TNFRSF19: variants seen among roughly 807,000 people sequenced by gnomAD.
TNFRSF19 encodes tumor necrosis factor receptor superfamily member 19.
In TNFRSF19, 27 loss-of-function variants were observed where a neutral mutation model predicts 46.4. The ratio of observed to expected loss-of-function variants is 0.58; its 90% CI spans 0.43 to 0.80. The LOEUF (loss-of-function observed/expected upper bound fraction) is 0.80, where lower values mean the gene tolerates loss of function less well. Ranked by LOEUF, TNFRSF19 falls within the 30% of genes least tolerant of loss-of-function variation. TNFRSF19 has a pLI of 0.00. For synonymous variants in TNFRSF19, 204 were observed against 205.0 expected, an observed-to-expected ratio of 1.00 and a Z score of 0.04; for missense variants, 511 against 530.8, an observed-to-expected ratio of 0.96 and a Z score of 0.37.
intron 5 of TNFRSF19, among the ~76,000 whole-genome samples, chr13:23,633,226 C>G (rs1166764399): frequency 6.6e-6 from 1 of 151,986 alleles, no homozygotes; most frequent in East Asian, 1.9e-4. Context: ...GATCCTCCCA[C>G]CTCAGCCTCC....
chr13:23,622,428 T>A (rs576239625), intron 4 of TNFRSF19, among the ~76,000 whole-genome samples: 25 of 152,110 alleles, frequency 1.6e-4, no homozygotes, highest in African/African-American at 5.1e-4. Flanking sequence ...ATAAACATTA[T>A]TTAATTAATT....
intron 3 of TNFRSF19, among the ~76,000 whole-genome samples, chr13:23,598,379 T>TTA (rs538713162): frequency 2.6e-4 from 39 of 151,536 alleles, no homozygotes; most frequent in Admixed American, 3.9e-4. Context: ...GAACTTACAG[T>TTA]TATATATATA....
intron 5 of TNFRSF19, among the ~76,000 whole-genome samples, chr13:23,640,212 G>A (rs906461053): frequency 2.6e-5 from 4 of 152,098 alleles, no homozygotes; most frequent in Non-Finnish European, 4.4e-5. Flanking sequence ...GTCTTGATTC[G>A]ACAGGGAACC....
chr13:23,585,214 T>C (rs1878735146), intron 1 of TNFRSF19, among the ~76,000 whole-genome samples: 3 of 152,254 alleles, frequency 2.0e-5, no homozygotes, highest in African/African-American at 4.8e-5. Flanking sequence ...TACAGTTTTT[T>C]TGATGAAAAC....
intron 9 of TNFRSF19, 174 bp downstream of exon 9, chr13:23,669,271 AC>A (rs1385422662): frequency 7.1e-7 from 1 of 1,410,714 alleles, no homozygotes; most frequent in Non-Finnish European, 9.2e-7. Context: ...TTTTTAAAAA[AC>A]TAACACAGCT....
intron 1 of TNFRSF19, among the ~76,000 whole-genome samples, chr13:23,582,972 G>T (rs1258304435): frequency 2.6e-5 from 4 of 152,044 alleles, no homozygotes; most frequent in Non-Finnish European, 4.4e-5. Context: ...CTTGTTTATG[G>T]ACACATGGTT....
intron 7 of TNFRSF19, 67 bp downstream of exon 7, chr13:23,660,557 G>A: frequency 6.4e-7 from 1 of 1,563,696 alleles, no homozygotes; most frequent in Non-Finnish European, 8.7e-7. Context: ...AGCAAGAATT[G>A]GTCCTGGTTT....
At chr13:23,586,495 G>A (rs1011193849) in intron 1 of TNFRSF19, among the ~76,000 whole-genome samples, 12 of 152,182 alleles carry the variant, frequency 7.9e-5, no homozygotes, top group Admixed American at 7.2e-4. Context: ...AGTCACTGTG[G>A]TTTGAGATCC....
In TNFRSF19 at chr13:23,570,450, T is replaced by C. The variant is rs779726658; in HGVS notation, c.-433T>C. ...TCCAACACACAGTCCACAACACAGC[T>C]TGGGAACCAAAAAAGCTACAGATCC... On this transcript the variant is annotated 5_prime_UTR_variant, in exon 1 of 10. Transcript: ENST00000248484. 1.3e-5 allele frequency: 2 copies of C among 152,182 alleles called. No individual in the cohort carries two copies. The highest frequency in any genetic ancestry group is 2.4e-5 in the African/African-American group (1 of 41,410). 9.4% of individuals were successfully genotyped at this position (152,182 alleles called of 1,614,324 possible).
intron 3 of TNFRSF19, among the ~76,000 whole-genome samples, chr13:23,602,639 A>C (rs1880241494): frequency 6.6e-6 from 1 of 152,170 alleles, no homozygotes; most frequent in Non-Finnish European, 1.5e-5. Context: ...CAAAGGTAAA[A>C]GCATAGAAAT....
intron 7 of TNFRSF19, among the ~76,000 whole-genome samples, chr13:23,661,293 A>G (rs961404602): frequency 2.6e-5 from 4 of 152,098 alleles, no homozygotes; most frequent in Non-Finnish European, 5.9e-5. Context: ...AACATGTGGT[A>G]TTTGGTTTTC....
chr13:23,614,864 A>T (rs1881162689), intron 3 of TNFRSF19, among the ~76,000 whole-genome samples: 1 of 151,534 alleles, frequency 6.6e-6, no homozygotes, highest in South Asian at 2.1e-4. Flanking sequence ...TACTTCTGTC[A>T]CCTAGCCCAA....
chr13:23,626,787 C>T lies in TNFRSF19; in HGVS notation c.440C>T (p.Pro147Leu), dbSNP rs368876279. The change falls in exon 5 of 10, where the codon CCG (proline) becomes CTG (leucine). Residue 147 changes from proline (P) to leucine (L), a missense_variant. This residue lies in a region of TNFRSF19 where 376 missense variants were observed against 372.7 expected (regional missense o/e 1.01). Transcript: ENST00000248484. ...PCGDPPPPYE[P>L]HCASKVNLVK... ...GGAGACCCTCCTCCTCCTTACGAAC[C>T]GCACTGTGAGTGAACGCAACACAGG... The T allele has an allele frequency of 6.9e-5, 112 of 1,613,992 alleles. No individual in the cohort carries two copies. Among genetic ancestry groups the T allele is most frequent in the South Asian group, 1.4e-4 (13 of 91,072 alleles).
chr13:23,590,344 ATT>A (rs1008447408), intron 2 of TNFRSF19, 92 bp downstream of exon 2: 3 of 785,550 alleles, frequency 3.8e-6, no homozygotes, highest in Non-Finnish European at 5.9e-6. Flanking sequence ...TTTATTTTTT[ATT>A]TTTTTTGAGA....
chr13:23,668,077 G>A lies in TNFRSF19; in HGVS notation c.834G>A (p.Gln278=), dbSNP rs1423364366. 1 of 1,603,566 alleles carries A rather than the reference G, an allele frequency of 6.2e-7. No individual in the cohort carries two copies. The highest frequency in any genetic ancestry group is 1.7e-5 in the Admixed American group (1 of 58,602). The change falls in exon 8 of 10, where the codon CAG becomes CAA. Residue 278 remains glutamine (Q), a synonymous_variant. Transcript: ENST00000248484. ...GCGVHSAASL[Q]ARNAGPAGEM... is the part of the protein sequence containing the mutation. ...GGGTGCATTCTGCAGCCAGTCTTCA[G>A]GCAAGGTAACTAGGTGCTTTCAATC...
intron 5 of TNFRSF19, among the ~76,000 whole-genome samples, chr13:23,642,282 A>G (rs1883077705): frequency 6.6e-6 from 1 of 152,202 alleles, no homozygotes; most frequent in South Asian, 2.1e-4. Context: ...TCCACTGTAT[A>G]GGCGGTTTCA....
intron 7 of TNFRSF19, among the ~76,000 whole-genome samples, chr13:23,665,704 G>A (rs1194747756): frequency 6.6e-6 from 1 of 152,070 alleles, no homozygotes; most frequent in African/African-American, 2.4e-5. Flanking sequence ...GTACATCAAT[G>A]TTTGCTTCCT....
At position 23,590,202 on chromosome 13, in the gene TNFRSF19, C is replaced by A; in HGVS notation, c.19C>A (p.Leu7Ile). 1 of 1,597,290 alleles carries A rather than the reference C, an allele frequency of 6.3e-7. No homozygotes were observed. Among genetic ancestry groups the A allele is most frequent in the East Asian group, 2.3e-5 (1 of 44,440 alleles). MALKVLLEQEKTFFTLL... is the reference protein window; with the variant it reads MALKVLIEQEKTFFTLL... ...AAGAAAGATGGCTTTAAAAGTGCTACTAGAACAAGAGAAAACGTTTTTCAC... is the reference window on the plus strand; with the variant it reads ...AAGAAAGATGGCTTTAAAAGTGCTAATAGAACAAGAGAAAACGTTTTTCAC... The change falls in exon 2 of 10, where the codon CTA (leucine) becomes ATA (isoleucine). Residue 7 changes from leucine (L) to isoleucine (I), a missense_variant. Coordinates refer to ENST00000248484, the MANE Select transcript of TNFRSF19 (RefSeq NM_148957.4).
At chr13:23,585,341 T>C (rs1878744930) in intron 1 of TNFRSF19, 1 of 152,220 alleles carries the variant, frequency 6.6e-6, no homozygotes, top group Admixed American at 6.5e-5. Flanking sequence ...ATTAGAATTA[T>C]TACAAAGCAC....
Sources: allele counts gnomAD v4.1 joint callset (sites outside exome capture counted in the v4.1 genomes callset), GRCh38; gene constraint gnomAD v4.1.1; regional missense constraint gnomAD v4.1.1; transcripts MANE v1.5; gene names NCBI Gene and HGNC (gene_info 2026-07-23, HGNC 2026-07-21).